Variants in TPD52L1 observed in about 807,000 individuals in gnomAD.
TPD52L1 encodes the protein tumor protein D53.
Under a neutral mutation model 28.7 loss-of-function variants are expected in TPD52L1, and 18 were observed. The observed-to-expected ratio is 0.63, with a 90% CI of 0.43 to 0.93. The LOEUF (loss-of-function observed/expected upper bound fraction) is 0.93. TPD52L1 is among the 40% of genes least tolerant of loss of function. TPD52L1 has a pLI of 0.00. For missense variants in TPD52L1, 203 were observed against 254.8 expected (o/e 0.80, Z 1.39); for synonymous variants, 75 against 88.8 (o/e 0.84, Z 0.88).
chr6:125,238,935 A>G (rs1796448783), intron 3 of TPD52L1, among the ~76,000 whole-genome samples: 1 of 152,214 alleles, frequency 6.6e-6, no homozygotes, highest in Admixed American at 6.5e-5. Context: ...GCTGCTATAA[A>G]TATGCATGTG....
At chr6:125,201,358 C>T (rs1439703088) in intron 1 of TPD52L1, among the ~76,000 whole-genome samples, 1 of 152,166 alleles carries the variant, frequency 6.6e-6, no homozygotes, top group Non-Finnish European at 1.5e-5. Context: ...TTTATTTTCA[C>T]AAATTTTAAT....
chr6:125,168,166 G>A (rs1791030349), intron 1 of TPD52L1, among the ~76,000 whole-genome samples: 1 of 151,658 alleles, frequency 6.6e-6, no homozygotes, highest in Non-Finnish European at 1.5e-5. Context: ...CCACGTTTTG[G>A]GTACTTACTA....
At chr6:125,209,015 T>G in intron 1 of TPD52L1, 1,303 of 849,026 alleles carry the variant, frequency 1.5e-3, no homozygotes, top group Middle Eastern at 1.8e-3. Flanking sequence ...ATCTTATCTC[T>G]ACCATGTGCC....
intron 1 of TPD52L1, among the ~76,000 whole-genome samples, chr6:125,165,101 T>TTATTTATTTA (rs1790803860): frequency 6.9e-6 from 1 of 144,512 alleles, no homozygotes; most frequent in African/African-American, 2.7e-5. Flanking sequence ...TATATATATT[T>TTATTTATTTA]TAACTGTATA....
chr6:125,181,046 G>C (rs749668479), intron 1 of TPD52L1, among the ~76,000 whole-genome samples: 32 of 152,132 alleles, frequency 2.1e-4, no homozygotes, highest in Non-Finnish European at 3.8e-4. Context: ...TAGAAGTTGG[G>C]TTCGAGCCTA....
At chr6:125,196,823 C>G (rs964944677) in intron 1 of TPD52L1, among the ~76,000 whole-genome samples, 4 of 152,160 alleles carry the variant, frequency 2.6e-5, no homozygotes, top group South Asian at 2.1e-4. Flanking sequence ...TGGAGGTGAG[C>G]GTGAATAAGA....
At position 125,226,271 on chromosome 6, in the gene TPD52L1, T is replaced by G. The variant is rs140652426; in HGVS notation, c.136-2847T>G. ...TTAAATAGCTGACTTCATGTCTTCA[T>G]TATTAGAGGTCTCTTCCCCATATGT... On this transcript the variant is annotated intron_variant, in intron 2 of 6. Coordinates refer to ENST00000534000, the MANE Select transcript of TPD52L1 (RefSeq NM_003287.4). Among the ~76,000 whole-genome samples, 215 of 152,314 alleles carry G rather than the reference T, an allele frequency of 1.4e-3. 2 individuals carry two copies. In the East Asian group the frequency reaches 0.022, roughly 16 times the overall value.
intron 1 of TPD52L1, among the ~76,000 whole-genome samples, chr6:125,216,629 C>T (rs920730579): frequency 6.2e-5 from 9 of 144,864 alleles, no homozygotes; most frequent in African/African-American, 1.0e-4. Flanking sequence ...GATCAAAATA[C>T]CAATTTTTGG....
intron 5 of TPD52L1, among the ~76,000 whole-genome samples, chr6:125,255,365 G>A (rs1797534003): frequency 6.6e-6 from 1 of 152,208 alleles, no homozygotes; most frequent in South Asian, 2.1e-4. Context: ...CAATGGAAAT[G>A]AAGTGCCAAT....
chr6:125,170,052 C>T (rs1295694779), intron 1 of TPD52L1, among the ~76,000 whole-genome samples: 2 of 152,094 alleles, frequency 1.3e-5, no homozygotes, highest in African/African-American at 4.8e-5. Flanking sequence ...CTAAATATTG[C>T]TTGTCAGTAC....
At chr6:125,229,066 CCT>C in intron 2 of TPD52L1, 50 bp from the exon 3 acceptor site, 3 of 1,580,638 alleles carry the variant, frequency 1.9e-6, no homozygotes, top group Non-Finnish European at 2.6e-6. Context: ...CTGTAAGTAT[CCT>C]TTTTTGCTGG....
chr6:125,193,949 A>C (rs1386908068), intron 1 of TPD52L1, among the ~76,000 whole-genome samples: 1 of 151,566 alleles, frequency 6.6e-6, no homozygotes, highest in Non-Finnish European at 1.5e-5. Context: ...CTGATGGTTC[A>C]ATTTATAGAT....
intron 1 of TPD52L1, among the ~76,000 whole-genome samples, chr6:125,181,187 G>T (rs994964111): frequency 1.3e-5 from 2 of 151,964 alleles, no homozygotes; most frequent in Non-Finnish European, 2.9e-5. Flanking sequence ...TTAATTTGTA[G>T]TAATTAAGTA....
chr6:125,158,480 A>G (rs1312141641), intron 1 of TPD52L1, among the ~76,000 whole-genome samples: 2 of 152,190 alleles, frequency 1.3e-5, no homozygotes, highest in East Asian at 3.8e-4. Flanking sequence ...ATATAATTTT[A>G]TCTTGTTTCA....
chr6:125,261,019 A>C (rs534568337), intron 6 of TPD52L1: 1 of 32,044 alleles, frequency 3.1e-5, no homozygotes, highest in African/African-American at 2.6e-4. Context: ...AGAAAGAAAG[A>C]AAAGAAAAGA....
At chr6:125,172,142 T>G (rs1791395152) in intron 1 of TPD52L1, among the ~76,000 whole-genome samples, 2 of 78,854 alleles carry the variant, frequency 2.5e-5, no homozygotes, top group Admixed American at 2.5e-4. Context: ...CTTTCTTTCT[T>G]TCTTTCTTTC....
intron 1 of TPD52L1, among the ~76,000 whole-genome samples, chr6:125,215,530 T>A (rs1794804853): frequency 6.6e-6 from 1 of 152,188 alleles, no homozygotes; most frequent in Admixed American, 6.5e-5. Flanking sequence ...AAACCTAGAC[T>A]AACTAGCAAC....
rs150932942 is a variant in TPD52L1, at chr6:125,159,853, G to A, written c.19+5883G>A. On this transcript the variant is annotated intron_variant, in intron 1 of 6. Coordinates refer to ENST00000534000, the MANE Select transcript of TPD52L1 (RefSeq NM_003287.4). ...ACCACGTATGATATTGTTTGGCTGT[G>A]TCCCCACCCAAATCTCATCTTGAAT... is the stretch of plus-strand genomic sequence containing the variant. Among the ~76,000 whole-genome samples the A allele has an allele frequency of 4.7e-4, 71 of 152,238 alleles. No homozygotes were observed. The East Asian group carries it at 0.011, about 23-fold the overall frequency.
In TPD52L1 at chr6:125,172,145, TTTCTTTCTTTCTTTTCTTTCTTTC is replaced by T. The variant is rs1422910999; in HGVS notation, c.19+18178_19+18201del. Among the ~76,000 whole-genome samples, 225 of 79,016 alleles carry T rather than the reference TTTCTTTCTTTCTTTTCTTTCTTTC, an allele frequency of 2.8e-3. 1 individual carries two copies. Among genetic ancestry groups the T allele is most frequent in the Middle Eastern group, 6.2e-3 (1 of 162 alleles). The allele number at this position is 79,016 out of a possible 152,430, so 51.8% of individuals were successfully genotyped here. On this transcript the variant is annotated intron_variant, in intron 1 of 6. Coordinates refer to ENST00000534000, the MANE Select transcript of TPD52L1 (RefSeq NM_003287.4). The stretch of plus-strand genomic sequence containing the variant: ...CTTTCTTTCTTTCTTTCTTTCTTTC[TTTCTTTCTTTCTTTTCTTTCTTTC>T]TTTCTTTCTTTCTTTCTTTCTTTCT...
Sources: allele counts gnomAD v4.1 joint callset (sites outside exome capture counted in the v4.1 genomes callset), GRCh38; gene constraint gnomAD v4.1.1; transcripts MANE v1.5; gene names NCBI Gene and HGNC (gene_info 2026-07-23, HGNC 2026-07-21).